Variants in CTNNA3 observed in about 807,000 individuals in gnomAD.
The protein encoded by CTNNA3 is catenin alpha 3.
In CTNNA3, 76 loss-of-function variants were observed where a neutral mutation model predicts 95.7. That is an observed-to-expected ratio of 0.79 (90% confidence interval 0.66 to 0.96). CTNNA3 has a LOEUF of 0.96. Ranked by LOEUF, CTNNA3 falls within the 40% of genes least tolerant of loss-of-function variation. The pLI is 0.00. For missense variants in CTNNA3, 1,191 were observed against 1,089.8 expected (o/e 1.09, Z -1.31); for synonymous variants, 431 against 374.4 (o/e 1.15, Z -1.74).
intron 17 of CTNNA3, among the ~76,000 whole-genome samples, chr10:65,932,507 A>G (rs1044710158): frequency 6.6e-6 from 1 of 152,200 alleles, no homozygotes; most frequent in African/African-American, 2.4e-5. Flanking sequence ...GTATCTAAGA[A>G]CTATGACTCA....
At chr10:67,720,059 C>T (rs1290699349) in intron 1 of CTNNA3, among the ~76,000 whole-genome samples, 1 of 135,206 alleles carries the variant, frequency 7.4e-6, no homozygotes, top group Admixed American at 8.0e-5. Flanking sequence ...ATGTAATGCC[C>T]TTCTTTGTCT....
At chr10:67,553,761 C>CT (rs925212281) in intron 3 of CTNNA3, among the ~76,000 whole-genome samples, 57 of 147,430 alleles carry the variant, frequency 3.9e-4, no homozygotes, top group South Asian at 2.2e-3. Flanking sequence ...TTTTTCTTTT[C>CT]TTTTTTTTTT....
intron 5 of CTNNA3, among the ~76,000 whole-genome samples, chr10:67,332,784 C>G (rs182716353): frequency 6.6e-6 from 1 of 152,182 alleles, no homozygotes; most frequent in African/African-American, 2.4e-5. Context: ...TCCTACAGCT[C>G]TAACTCTGGA....
intron 11 of CTNNA3, among the ~76,000 whole-genome samples, chr10:66,494,010 C>A (rs988678732): frequency 6.8e-6 from 1 of 146,792 alleles, no homozygotes; most frequent in Admixed American, 6.9e-5. Context: ...CGGGTTCAAA[C>A]GATTCTCCTG....
At chr10:66,011,677 C>A (rs2079008295) in intron 15 of CTNNA3, among the ~76,000 whole-genome samples, 2 of 152,074 alleles carry the variant, frequency 1.3e-5, no homozygotes, top group Admixed American at 1.3e-4. Context: ...TCAAGCCTGG[C>A]ACTTCTAATT....
chr10:66,780,333 G>C (rs1418286129), intron 7 of CTNNA3, among the ~76,000 whole-genome samples: 1 of 152,118 alleles, frequency 6.6e-6, no homozygotes, highest in African/African-American at 2.4e-5. Flanking sequence ...AGTCCACAGA[G>C]AGATGAACAG....
At chr10:67,394,434 A>T (rs1010357314) in intron 5 of CTNNA3, among the ~76,000 whole-genome samples, 3 of 152,102 alleles carry the variant, frequency 2.0e-5, no homozygotes, top group African/African-American at 7.2e-5. Context: ...CAGCTATAAG[A>T]GGCATGTTTG....
chr10:66,301,604 T>C (rs1307223643), intron 12 of CTNNA3, among the ~76,000 whole-genome samples: 2 of 151,800 alleles, frequency 1.3e-5, no homozygotes, highest in African/African-American at 4.8e-5. Flanking sequence ...CATCATATCA[T>C]TAGGCTAAAG....
At chr10:66,057,682 A>G (rs1430574973) in intron 15 of CTNNA3, among the ~76,000 whole-genome samples, 1 of 152,190 alleles carries the variant, frequency 6.6e-6, no homozygotes, top group African/African-American at 2.4e-5. Flanking sequence ...ATTATTGCTT[A>G]TAATTACTCT....
chr10:67,742,328 G>A (rs1398572426), intron 1 of CTNNA3, among the ~76,000 whole-genome samples: 5 of 151,120 alleles, frequency 3.3e-5, no homozygotes, highest in Non-Finnish European at 7.4e-5. Flanking sequence ...AATCAAACTA[G>A]AACTCAGGAT....
chr10:66,380,732 T>C (rs1458564690), intron 11 of CTNNA3, among the ~76,000 whole-genome samples: 1 of 151,720 alleles, frequency 6.6e-6, no homozygotes. Context: ...CATAATGATA[T>C]GTTCCGGAAT....
chr10:67,194,677 A>G (rs1017708724), intron 6 of CTNNA3, among the ~76,000 whole-genome samples: 2 of 151,918 alleles, frequency 1.3e-5, no homozygotes, highest in Non-Finnish European at 2.9e-5. Flanking sequence ...CACAGAACGT[A>G]CAACACCAAG....
chr10:66,701,261 T>C (rs904388355), intron 9 of CTNNA3, among the ~76,000 whole-genome samples: 2 of 152,168 alleles, frequency 1.3e-5, no homozygotes, highest in Non-Finnish European at 2.9e-5. Context: ...TTGATAACCA[T>C]AGTTTTATAA....
intron 7 of CTNNA3, among the ~76,000 whole-genome samples, chr10:66,923,027 G>T (rs1199592200): frequency 6.6e-6 from 1 of 152,076 alleles, no homozygotes; most frequent in African/African-American, 2.4e-5. Context: ...TCACCCCATT[G>T]TGCTAGCCAA....
chr10:66,031,256 A>G (rs2079444013), intron 15 of CTNNA3, among the ~76,000 whole-genome samples: 1 of 152,208 alleles, frequency 6.6e-6, no homozygotes, highest in African/African-American at 2.4e-5. Flanking sequence ...GTGCACTCAT[A>G]TGTTCATCGC....
intron 5 of CTNNA3, among the ~76,000 whole-genome samples, chr10:67,466,213 T>C (rs1257821568): frequency 6.6e-6 from 1 of 152,212 alleles, no homozygotes; most frequent in Non-Finnish European, 1.5e-5. Flanking sequence ...TGATGCTTTA[T>C]TAATGGTATC....
intron 12 of CTNNA3, among the ~76,000 whole-genome samples, chr10:66,320,449 AT>A (rs1185055367): frequency 1.8e-4 from 27 of 152,274 alleles, no homozygotes; most frequent in African/African-American, 6.5e-4. Context: ...CAAAATTGCC[AT>A]TCAGCCAATG....
intron 7 of CTNNA3, among the ~76,000 whole-genome samples, chr10:66,802,224 T>A (rs140294185): frequency 6.6e-6 from 1 of 151,884 alleles, no homozygotes; most frequent in African/African-American, 2.4e-5. Flanking sequence ...ACAAATTAAA[T>A]TACTTATAGA....
intron 9 of CTNNA3, among the ~76,000 whole-genome samples, chr10:66,627,016 G>GTC (rs1275780033): frequency 2.6e-5 from 4 of 152,022 alleles, no homozygotes. Flanking sequence ...TCATGTGTTT[G>GTC]AATAGACAGT....
Sources: allele counts gnomAD v4.1 joint callset (sites outside exome capture counted in the v4.1 genomes callset), GRCh38; gene constraint gnomAD v4.1.1; transcripts MANE v1.5; gene names NCBI Gene and HGNC (gene_info 2026-07-23, HGNC 2026-07-21).